GPA33: variants seen among roughly 807,000 people sequenced by gnomAD.
The protein encoded by GPA33 is glycoprotein A33, also known as cell surface A33 antigen.
A neutral mutation model predicts 35.6 loss-of-function variants in GPA33; 27 were observed. The ratio of observed to expected loss-of-function variants is 0.76; its 90% CI spans 0.56 to 1.04. GPA33 has a LOEUF of 1.04. GPA33 is among the 50% of genes least tolerant of loss of function. The pLI is 0.00. For missense variants in GPA33, 428 were observed against 411.9 expected (o/e 1.04, Z -0.34); for synonymous variants, 176 against 164.0 (o/e 1.07, Z -0.56).
chr1:167,089,220 G>A (rs1172897131), intron 1 of GPA33, among the ~76,000 whole-genome samples: 6 of 152,160 alleles, frequency 3.9e-5, no homozygotes, highest in African/African-American at 1.4e-4. Context: ...CATGTCTAGG[G>A]CCTGGGAGAA....
chr1:167,056,685 G>GCA (rs1414206005), intron 4 of GPA33, among the ~76,000 whole-genome samples: 303 of 17,842 alleles, frequency 0.017, no homozygotes, highest in East Asian at 0.019. Context: ...TGTGTCTGGT[G>GCA]TGTGGTGGGT....
At position 167,069,019 on chromosome 1, in the gene GPA33, C is replaced by T. The variant is rs758507250; in HGVS notation, c.318G>A (p.Gln106=). ...EQSDASITID[Q]LTMADNGTYE... ...AGGTGCCGTTGTCAGCCATGGTCAG[C>T]TGATCAATGGTGATGGAGGCATCGG... is the stretch of plus-strand genomic sequence containing the variant. Residue 106 remains glutamine, a synonymous_variant, in exon 3 of 7, where the codon CAG becomes CAA. Coordinates refer to ENST00000367868, the MANE Select transcript of GPA33 (RefSeq NM_005814.3). The T allele has an allele frequency of 4.3e-6, 7 of 1,614,042 alleles. No homozygotes were observed. Among genetic ancestry groups the T allele is most frequent in the Non-Finnish European group, 5.1e-6 (6 of 1,179,894 alleles).
chr1:167,086,510 C>A (rs1171385344), intron 1 of GPA33, among the ~76,000 whole-genome samples: 1 of 152,128 alleles, frequency 6.6e-6, no homozygotes, highest in Non-Finnish European at 1.5e-5. Context: ...AGGGCAGACC[C>A]CAGGGACCAA....
chr1:167,083,563 G>C (rs1029105706), intron 1 of GPA33, among the ~76,000 whole-genome samples: 2 of 152,242 alleles, frequency 1.3e-5, no homozygotes, highest in African/African-American at 4.8e-5. Flanking sequence ...GGCGTTCACT[G>C]TTCCAGGGAA....
chr1:167,073,610 G>C, intron 1 of GPA33, 71 bp from the exon 2 acceptor site: 1 of 1,298,022 alleles, frequency 7.7e-7, no homozygotes, highest in Non-Finnish European at 1.1e-6. Context: ...ACTGCCCACA[G>C]GACCACTGAG....
chr1:167,067,275 A>AATTTATTTATTTATTT lies in GPA33; in HGVS notation c.415+1631_415+1646dup, dbSNP rs57948383. Among the ~76,000 whole-genome samples, 168 of 146,802 alleles carry AATTTATTTATTTATTT rather than the reference A, an allele frequency of 1.1e-3. 1 individual carries two copies. The highest frequency in any genetic ancestry group is 3.5e-3 in the Middle Eastern group (1 of 284). ...CCCAACTCAAGAGATCCTCCACCTCAATTTATTTATTTATTTATTTATTTA... is the reference window on the plus strand; with the variant it reads ...CCCAACTCAAGAGATCCTCCACCTCAATTTATTTATTTATTTATTTATTTATTTATTTATTTATTTA... On this transcript the variant is annotated intron_variant, in intron 3 of 6. Coordinates refer to ENST00000367868, the MANE Select transcript of GPA33 (RefSeq NM_005814.3).
At position 167,068,978 on chromosome 1, in the gene GPA33, G is replaced by A. The variant is rs757333782; in HGVS notation, c.359C>T (p.Ser120Leu). The A allele has an allele frequency of 1.3e-5, 21 of 1,613,876 alleles. 1 individual carries two copies. The highest frequency in any genetic ancestry group is 3.4e-4 in the Middle Eastern group (2 of 5,846). The change falls in exon 3 of 7, where the codon TCG (serine) becomes TTG (leucine). Residue 120 changes from serine to leucine, a missense_variant. Coordinates refer to ENST00000367868, the MANE Select transcript of GPA33 (RefSeq NM_005814.3). ...ADNGTYECSV[S>L]LMSDLEGNTK... Reference sequence around the variant, plus strand: ...GTTGCCCTCCAGGTCTGACATCAGCGAGACAGAACACTCGTAGGTGCCGTT... The same window carrying A: ...GTTGCCCTCCAGGTCTGACATCAGCAAGACAGAACACTCGTAGGTGCCGTT...
chr1:167,054,864 G>T (rs1286515405), intron 6 of GPA33, 112 bp downstream of exon 6: 2 of 1,200,864 alleles, frequency 1.7e-6, no homozygotes, highest in African/African-American at 1.5e-5. Flanking sequence ...AGCACAAAAT[G>T]GGGGTGATAT....
intron 1 of GPA33, among the ~76,000 whole-genome samples, chr1:167,076,352 G>T (rs1407770531): frequency 6.6e-6 from 1 of 152,118 alleles, no homozygotes; most frequent in Non-Finnish European, 1.5e-5. Context: ...AAAGGTGCAA[G>T]TGGGCTGGTA....
chr1:167,061,937 C>T (rs1448659765), intron 4 of GPA33, among the ~76,000 whole-genome samples: 1 of 151,966 alleles, frequency 6.6e-6, no homozygotes, highest in East Asian at 1.9e-4. Context: ...ATTGAGTGCA[C>T]CCCCAATGTG....
intron 1 of GPA33, among the ~76,000 whole-genome samples, chr1:167,082,513 T>G (rs1666970165): frequency 6.6e-6 from 1 of 152,064 alleles, no homozygotes; most frequent in South Asian, 2.1e-4. Flanking sequence ...GGTGGGTTTG[T>G]AGGTTATAGG....
chr1:167,064,834 C>A (rs921274189), intron 3 of GPA33, among the ~76,000 whole-genome samples: 38 of 152,146 alleles, frequency 2.5e-4, no homozygotes, highest in Non-Finnish European at 5.3e-4. Context: ...TTGCCATAAG[C>A]ACGGGATGAT....
At chr1:167,081,217 A>G (rs572480651) in intron 1 of GPA33, among the ~76,000 whole-genome samples, 2 of 152,358 alleles carry the variant, frequency 1.3e-5, no homozygotes, top group African/African-American at 4.8e-5. Context: ...CTTGAGGCAT[A>G]CATAGCACAT....
Position 167,067,514 on chromosome 1 carries a change from T to C in GPA33, c.415+1408A>G, listed in dbSNP as rs530513614. Among the ~76,000 whole-genome samples, 7 of 152,324 alleles carry C rather than the reference T, an allele frequency of 4.6e-5. No homozygotes were observed. The South Asian group carries it at 1.4e-3, about 32-fold the overall frequency. On this transcript the variant is annotated intron_variant, in intron 3 of 6. Coordinates refer to ENST00000367868, the MANE Select transcript of GPA33 (RefSeq NM_005814.3). ...TGGGAGGAAGAGGGATCAGCATTTA[T>C]ATAATGCTTATGTGGAGGATTTCGG... is the stretch of plus-strand genomic sequence containing the variant.
chr1:167,086,319 T>C (rs1667046608), intron 1 of GPA33, among the ~76,000 whole-genome samples: 1 of 152,242 alleles, frequency 6.6e-6, no homozygotes, highest in Non-Finnish European at 1.5e-5. Context: ...GGGCCGCTTA[T>C]CTTGCAGTTG....
At chr1:167,056,856 GGT>G (rs1203975278) in intron 4 of GPA33, among the ~76,000 whole-genome samples, 5 of 24,354 alleles carry the variant, frequency 2.1e-4, no homozygotes, top group Non-Finnish European at 3.7e-4. Flanking sequence ...TAATGTGTGT[GGT>G]GTGTGTGTGG....
chr1:167,085,806 T>A (rs1380405977), intron 1 of GPA33, among the ~76,000 whole-genome samples: 1 of 152,268 alleles, frequency 6.6e-6, no homozygotes, highest in Non-Finnish European at 1.5e-5. Context: ...TAGAGGCAAC[T>A]GTTCATTAAA....
Position 167,074,268 on chromosome 1 carries a change from T to C in GPA33, c.44-729A>G, listed in dbSNP as rs78367414. On this transcript the variant is annotated intron_variant, in intron 1 of 6. Transcript: ENST00000367868. The stretch of plus-strand genomic sequence containing the variant: ...TGTGACTCCAGTGTAAGGGATGTTA[T>C]GTGGCTCTGAGGCCAACTCATAAAA... Among the ~76,000 whole-genome samples, 35 of 152,084 alleles carry C rather than the reference T, an allele frequency of 2.3e-4. 2 individuals are homozygous for C. In the East Asian group the frequency reaches 6.2e-3, roughly 27 times the overall value.
chr1:167,088,628 G>A (rs1280263737), intron 1 of GPA33, among the ~76,000 whole-genome samples: 1 of 152,212 alleles, frequency 6.6e-6, no homozygotes, highest in Non-Finnish European at 1.5e-5. Context: ...ATAGGAAGAA[G>A]CAAAATGTCC....
Sources: allele counts gnomAD v4.1 joint callset (sites outside exome capture counted in the v4.1 genomes callset), GRCh38; gene constraint gnomAD v4.1.1; transcripts MANE v1.5; gene names NCBI Gene and HGNC (gene_info 2026-07-23, HGNC 2026-07-21).